The following SLC30A5 variants were observed in gnomAD, a reference collection of about 807,000 sequenced individuals.
SLC30A5 encodes the protein solute carrier family 30 member 5.
A neutral mutation model predicts 79.6 loss-of-function variants in SLC30A5; 33 were observed. That is an observed-to-expected ratio of 0.41 (90% confidence interval 0.31 to 0.55). The LOEUF (loss-of-function observed/expected upper bound fraction) is 0.55. SLC30A5 is among the 20% of genes least tolerant of loss of function. SLC30A5 has a pLI of 0.20. For synonymous variants in SLC30A5, 299 were observed against 319.7 expected (o/e 0.94, Z 0.69); for missense variants, 788 against 928.1 (o/e 0.85, Z 1.96).
At chr5:69,115,889 A>G in intron 8 of SLC30A5, 37 bp from the exon 9 acceptor site, 2 of 1,504,208 alleles carry the variant, frequency 1.3e-6, no homozygotes, top group Non-Finnish European at 1.8e-6. Flanking sequence ...AACTTTATAC[A>G]TGTATAGTCT....
At chr5:69,096,381 A>G (rs2111918481) in intron 1 of SLC30A5, among the ~76,000 whole-genome samples, 1 of 152,342 alleles carries the variant, frequency 6.6e-6, no homozygotes, top group Admixed American at 6.5e-5. Flanking sequence ...TCAAGAGTGT[A>G]AAGAGTGTAT....
At position 69,129,679 on chromosome 5, in the gene SLC30A5, A is replaced by G. The variant is rs1746800669; in HGVS notation, c.*62A>G. The G allele has an allele frequency of 7.0e-7, 1 of 1,433,572 alleles. No individual in the cohort carries two copies. Among genetic ancestry groups the G allele is most frequent in the Non-Finnish European group, 9.4e-7 (1 of 1,061,238 alleles). 88.8% of individuals were successfully genotyped at this position (1,433,572 alleles called of 1,614,324 possible). On this transcript the variant is annotated 3_prime_UTR_variant, in exon 16 of 16. Transcript: ENST00000396591. ...AAGATTAAATGACTCAGTATTTGTA[A>G]TATTGCCAGAAGGATAAAAATTACA...
At chr5:69,114,306 G>A in intron 6 of SLC30A5, 114 bp from the exon 7 acceptor site, 1 of 522,048 alleles carries the variant, frequency 1.9e-6, no homozygotes, top group Non-Finnish European at 3.5e-6. Context: ...TAAGTTTGAG[G>A]CCTCCAGATC....
Position 69,129,555 on chromosome 5 carries a change from CT to C in SLC30A5, c.2237del (p.Leu746ArgfsTer3), listed in dbSNP as rs1457740261. On this transcript the variant is annotated frameshift_variant, in exon 16 of 16. Transcript: ENST00000396591. LOFTEE classifies it high-confidence loss of function. ...CCTAAGTACTGGATTTCATGATGTT[CT>C]GGCTATGACAAAACAAATGGAATCC... Reference protein sequence around the residue: ...SGLSTGFHDVLAMTKQMESMK... With the variant: ...SGLSTGFHDVXAMTKQMESMK... 1 of 1,613,288 alleles carries C rather than the reference CT, an allele frequency of 6.2e-7. No individual in the cohort carries two copies. The highest frequency in any genetic ancestry group is 1.3e-5 in the African/African-American group (1 of 75,024).
chr5:69,129,636 C>G lies in SLC30A5; in HGVS notation c.*19C>G, dbSNP rs752267004. On this transcript the variant is annotated 3_prime_UTR_variant, in exon 16 of 16. Coordinates refer to ENST00000396591, the MANE Select transcript of SLC30A5 (RefSeq NM_022902.5). ...CATGTGAGATAACTCAAGAATTACC[C>G]CTGGAGAATAAACAATGAAGATTAA... 1.3e-6 allele frequency: 2 copies of G among 1,580,644 alleles called. No individual in the cohort carries two copies. The highest frequency in any genetic ancestry group is 1.7e-6 in the Non-Finnish European group (2 of 1,163,282).
intron 14 of SLC30A5, 79 bp from the exon 15 acceptor site, chr5:69,127,925 C>A: frequency 8.1e-7 from 1 of 1,241,386 alleles, no homozygotes; most frequent in Non-Finnish European, 1.1e-6. Context: ...TGTGTGTTTA[C>A]TTTCTGTCAG....
At chr5:69,096,823 C>G (rs1561284899) in intron 1 of SLC30A5, among the ~76,000 whole-genome samples, 1 of 152,084 alleles carries the variant, frequency 6.6e-6, no homozygotes, top group Non-Finnish European at 1.5e-5. Context: ...TAGCCAGGCA[C>G]AGTGGCAGTG....
chr5:69,107,506 T>C (rs905972360), intron 4 of SLC30A5, among the ~76,000 whole-genome samples: 16 of 152,162 alleles, frequency 1.1e-4, no homozygotes, highest in Admixed American at 3.3e-4. Context: ...TTTATTATCA[T>C]TATCAAGTCT....
chr5:69,125,242 T>G (rs1456960606), intron 14 of SLC30A5, among the ~76,000 whole-genome samples: 1 of 151,664 alleles, frequency 6.6e-6, no homozygotes, highest in East Asian at 2.0e-4. Context: ...ATACAAAAAT[T>G]AGGGTCGGGC....
chr5:69,127,733 T>C (rs377210231), intron 14 of SLC30A5, among the ~76,000 whole-genome samples: 5 of 152,076 alleles, frequency 3.3e-5, no homozygotes, highest in East Asian at 1.9e-4. Context: ...CTAGGTGAGA[T>C]TTTTTTTCCC....
At chr5:69,113,424 G>T in intron 6 of SLC30A5, 197 bp downstream of exon 6, 1 of 454,852 alleles carries the variant, frequency 2.2e-6, no homozygotes, top group Middle Eastern at 5.8e-4. Context: ...TAGCATCTCT[G>T]TATCACCTAC....
intron 1 of SLC30A5, among the ~76,000 whole-genome samples, chr5:69,099,479 G>A (rs185729946): frequency 6.6e-6 from 1 of 152,276 alleles, no homozygotes; most frequent in African/African-American, 2.4e-5. Flanking sequence ...CAGAGGCTAA[G>A]ACTCGTGACT....
chr5:69,100,942 G>GA lies in SLC30A5; in HGVS notation c.206+13_206+14insA. ...TATTAAAACTTGGGTGAGTGTGGGGGGGGGTTTTTTCTTGATATTTTTTAT... is the reference window on the plus strand; with the variant it reads ...TATTAAAACTTGGGTGAGTGTGGGGGAGGGGTTTTTTCTTGATATTTTTTAT... On this transcript the variant is annotated intron_variant, in intron 2 of 15. Transcript: ENST00000396591. 6.6e-7 allele frequency: 1 copy of GA among 1,507,622 alleles called. No homozygotes were observed. The highest frequency in any genetic ancestry group is 8.9e-7 in the Non-Finnish European group (1 of 1,118,740). 93.4% of individuals were successfully genotyped at this position (1,507,622 alleles called of 1,614,324 possible). A position where few individuals can be genotyped will look rare whatever the true frequency, so the allele number is the denominator to read the frequency against.
At chr5:69,111,556 G>A (rs1004045201) in intron 5 of SLC30A5, among the ~76,000 whole-genome samples, 15 of 151,744 alleles carry the variant, frequency 9.9e-5, no homozygotes, top group African/African-American at 2.4e-4. Flanking sequence ...CACCCGCCTC[G>A]GCCTCCCAAA....
intron 1 of SLC30A5, among the ~76,000 whole-genome samples, chr5:69,100,524 A>G (rs1745880996): frequency 6.6e-6 from 1 of 151,444 alleles, no homozygotes; most frequent in Non-Finnish European, 1.5e-5. Context: ...TAATCCTAGC[A>G]CTTTGGGAGA....
chr5:69,104,714 A>G lies in SLC30A5; in HGVS notation c.357A>G (p.Leu119=). The G allele has an allele frequency of 1.9e-6, 3 of 1,599,564 alleles. No individual in the cohort carries two copies. The highest frequency in any genetic ancestry group is 2.6e-6 in the Non-Finnish European group (3 of 1,174,838). ...WFFGLTLCGP[L]RTLLLFEHSD... is the part of the protein sequence containing the mutation. ...TTGGCCTCACTCTTTGTGGACCACT[A>G]AGGTAAATAAAAATGCATATTTTGA... The change falls in exon 4 of 16, where the codon CTA becomes CTG. Residue 119 remains leucine (L), a splice_region_variant and synonymous_variant. Transcript: ENST00000396591.
chr5:69,128,337 C>T (rs1746760844), intron 15 of SLC30A5, among the ~76,000 whole-genome samples: 1 of 150,266 alleles, frequency 6.7e-6, no homozygotes, highest in Non-Finnish European at 1.5e-5. Flanking sequence ...CTGCAACCTC[C>T]GCCTCCTGGG....
Position 69,116,508 on chromosome 5 carries a change from C to G in SLC30A5, c.1187C>G (p.Ser396Cys). 6.2e-7 allele frequency: 1 copy of G among 1,612,620 alleles called. No homozygotes were observed. Among genetic ancestry groups the G allele is most frequent in the Non-Finnish European group, 8.5e-7 (1 of 1,179,426 alleles). The part of the protein sequence containing the change: ...NFMGDAFQHS[S>C]QSIPRFIKES... ...ATGGGTGATGCTTTTCAGCATAGCT[C>G]TCAATCGATCCCTAGGTTTATTAAG... The change falls in exon 10 of 16, where the codon TCT (serine) becomes TGT (cysteine). Residue 396 changes from serine to cysteine, a missense_variant. Coordinates refer to ENST00000396591, the MANE Select transcript of SLC30A5 (RefSeq NM_022902.5). This position sits in a 1 kb window ranked among gnomAD's most constrained non-coding sequence, Gnocchi z 4.0.
chr5:69,108,083 G>A (rs916940287), intron 4 of SLC30A5, among the ~76,000 whole-genome samples: 1 of 152,098 alleles, frequency 6.6e-6, no homozygotes, highest in Non-Finnish European at 1.5e-5. Context: ...TGAGCAACCT[G>A]GTAAGTGTTA....
Sources: gnomAD v4.1 joint callset for allele counts (sites outside exome capture counted in the v4.1 genomes callset) on GRCh38, gnomAD v4.1.1 for gene constraint, Gnocchi (gnomAD v3.1) non-coding constraint, MANE v1.5 for transcripts, NCBI Gene and HGNC (gene_info 2026-07-23, HGNC 2026-07-21) for gene names.